Variants in SKAP2 observed in about 807,000 individuals in gnomAD.
SKAP2 encodes src kinase associated phosphoprotein 2.
A neutral mutation model predicts 54.9 loss-of-function variants in SKAP2; 28 were observed. The observed-to-expected ratio is 0.51, with a 90% CI of 0.38 to 0.70. The LOEUF (loss-of-function observed/expected upper bound fraction) is 0.70, where lower values mean the gene tolerates loss of function less well. Ranked by LOEUF, SKAP2 falls within the 30% of genes least tolerant of loss-of-function variation. The pLI, the probability that SKAP2 is intolerant of heterozygous loss-of-function variation, is 0.00. For missense variants in SKAP2, 356 were observed against 424.1 expected, an observed-to-expected ratio of 0.84 and a Z score of 1.41; for synonymous variants, 137 against 134.3, an observed-to-expected ratio of 1.02 and a Z score of -0.14.
chr7:26,690,154 A>G (rs1338400619), intron 10 of SKAP2, 131 bp downstream of exon 10: 3 of 655,044 alleles, frequency 4.6e-6, no homozygotes, highest in Non-Finnish European at 8.2e-6. Context: ...CTTATCAGCC[A>G]TAAGATATCC....
At chr7:26,691,650 G>A (rs1331733378) in intron 9 of SKAP2, among the ~76,000 whole-genome samples, 1 of 152,136 alleles carries the variant, frequency 6.6e-6, no homozygotes, top group Non-Finnish European at 1.5e-5. Context: ...CAGGCTGAAG[G>A]GGCCTAAACC....
chr7:26,837,846 T>C (rs552669323), intron 4 of SKAP2, among the ~76,000 whole-genome samples: 108 of 149,130 alleles, frequency 7.2e-4, no homozygotes, highest in African/African-American at 2.6e-3. Context: ...AACACTCCCT[T>C]AATCAAAAGC....
At chr7:26,658,138 G>A in the SKAP2 span, among the ~76,000 whole-genome samples, 3 of 152,158 alleles carry the variant, frequency 2.0e-5, no homozygotes, top group African/African-American at 7.2e-5. Flanking sequence ...CCCTCACTTA[G>A]GAAAGACGCA....
intron 4 of SKAP2, among the ~76,000 whole-genome samples, chr7:26,772,867 G>T (rs1475596939): frequency 6.6e-6 from 1 of 152,126 alleles, no homozygotes; most frequent in Non-Finnish European, 1.5e-5. Flanking sequence ...ATAGAATCTG[G>T]AATATTTAAT....
At chr7:26,716,075 T>A (rs904660136) in intron 9 of SKAP2, among the ~76,000 whole-genome samples, 2 of 152,208 alleles carry the variant, frequency 1.3e-5, no homozygotes, top group Admixed American at 6.5e-5. Context: ...ATGTAGTCAA[T>A]TTCTATGATT....
At chr7:26,733,589 C>G (rs1238986582) in intron 6 of SKAP2, among the ~76,000 whole-genome samples, 1 of 152,012 alleles carries the variant, frequency 6.6e-6, no homozygotes, top group Non-Finnish European at 1.5e-5. Flanking sequence ...TTTCAAACTT[C>G]AAAGAGAACA....
chr7:26,828,078 G>A (rs1284053304), intron 4 of SKAP2, among the ~76,000 whole-genome samples: 1 of 152,196 alleles, frequency 6.6e-6, no homozygotes. Flanking sequence ...CTAAGACCAT[G>A]ATCACAGCAC....
intron 9 of SKAP2, among the ~76,000 whole-genome samples, chr7:26,696,833 A>T (rs1203251312): frequency 6.6e-6 from 1 of 152,158 alleles, no homozygotes. Context: ...AGGATCGCTT[A>T]ACAGTTTGAG....
chr7:26,833,165 C>T (rs930553058), intron 4 of SKAP2, among the ~76,000 whole-genome samples: 5 of 151,918 alleles, frequency 3.3e-5, no homozygotes, highest in South Asian at 2.1e-4. Flanking sequence ...AACTGTGAGG[C>T]GGGCGGATCA....
intron 11 of SKAP2, among the ~76,000 whole-genome samples, chr7:26,676,765 A>G (rs1222393401): frequency 1.3e-5 from 2 of 152,228 alleles, no homozygotes; most frequent in African/African-American, 2.4e-5. Flanking sequence ...GGTAATCATT[A>G]TATTGAATGT....
chr7:26,852,351 T>C (rs577361086), intron 3 of SKAP2, among the ~76,000 whole-genome samples: 6 of 152,316 alleles, frequency 3.9e-5, no homozygotes, highest in African/African-American at 1.2e-4. Context: ...GGAATAGTCT[T>C]TTTAGAACAA....
chr7:26,823,402 G>C (rs1181570037), intron 4 of SKAP2, among the ~76,000 whole-genome samples: 1 of 135,430 alleles, frequency 7.4e-6, no homozygotes, highest in Non-Finnish European at 1.5e-5. Flanking sequence ...CTCCAGCCTC[G>C]GCAACAGAGT....
chr7:26,829,973 C>T (rs536007865), intron 4 of SKAP2, among the ~76,000 whole-genome samples: 17 of 151,926 alleles, frequency 1.1e-4, no homozygotes, highest in Non-Finnish European at 2.1e-4. Context: ...TCATAATAGT[C>T]AAAAAGAGTA....
intron 4 of SKAP2, among the ~76,000 whole-genome samples, chr7:26,749,678 G>A (rs1270463305): frequency 2.0e-5 from 3 of 151,462 alleles, no homozygotes; most frequent in Non-Finnish European, 4.4e-5. Context: ...GGAGTTCAAG[G>A]CTGCATATGA....
At chr7:26,671,171 A>G (rs748095036) in intron 11 of SKAP2, among the ~76,000 whole-genome samples, 1 of 152,006 alleles carries the variant, frequency 6.6e-6, no homozygotes, top group South Asian at 2.1e-4. Context: ...GTAGTGAGAT[A>G]CAAACAAAGT....
At chr7:26,804,945 T>C (rs1426977439) in intron 4 of SKAP2, among the ~76,000 whole-genome samples, 1 of 152,214 alleles carries the variant, frequency 6.6e-6, no homozygotes, top group Non-Finnish European at 1.5e-5. Context: ...CATGGAAAGA[T>C]GTTTCCTATA....
At chr7:26,666,809 T>C (rs950847336), downstream of SKAP2, among the ~76,000 whole-genome samples, 1 of 152,128 alleles carries the variant, frequency 6.6e-6, no homozygotes, top group Non-Finnish European at 1.5e-5. Flanking sequence ...GTGGCAAAAA[T>C]AGAACGGAGT....
chr7:26,828,171 A>C (rs746603784), intron 4 of SKAP2, among the ~76,000 whole-genome samples: 6 of 152,218 alleles, frequency 3.9e-5, no homozygotes, highest in Non-Finnish European at 7.3e-5. Flanking sequence ...GATCTATTAG[A>C]CTATGTGTTC....
chr7:26,659,138 C>G, the SKAP2 span, among the ~76,000 whole-genome samples: 5 of 151,960 alleles, frequency 3.3e-5, no homozygotes, highest in African/African-American at 1.2e-4. Flanking sequence ...TGCATTTTGC[C>G]GTTTTATCTT....
Sources: allele counts gnomAD v4.1 joint callset (sites outside exome capture counted in the v4.1 genomes callset), GRCh38; gene constraint gnomAD v4.1.1; transcripts MANE v1.5; gene names NCBI Gene and HGNC (gene_info 2026-07-23, HGNC 2026-07-21).